Variants in NRCAM observed in about 807,000 individuals in gnomAD.
NRCAM encodes NgCAM-related cell adhesion molecule.
In NRCAM, 83 loss-of-function variants were observed where a neutral mutation model predicts 156.5. The ratio of observed to expected loss-of-function variants is 0.53; its 90% CI spans 0.44 to 0.64. The LOEUF is 0.64. Ranked by LOEUF, NRCAM falls within the 30% of genes least tolerant of loss-of-function variation. The pLI is 0.00. For missense variants in NRCAM, 1,417 were observed against 1,597.3 expected (o/e 0.89, Z 1.92); for synonymous variants, 538 against 563.9 (o/e 0.95, Z 0.65).
chr7:108,347,505 G>C (rs1244580544), intron 2 of NRCAM, among the ~76,000 whole-genome samples: 5 of 152,072 alleles, frequency 3.3e-5, no homozygotes, highest in Admixed American at 3.3e-4. Flanking sequence ...CAAAAGCAGA[G>C]AAAGAAAATC....
chr7:108,361,071 GC>G (rs1439875532), intron 2 of NRCAM, among the ~76,000 whole-genome samples: 1 of 152,012 alleles, frequency 6.6e-6, no homozygotes, highest in Non-Finnish European at 1.5e-5. Flanking sequence ...TGTATATGGG[GC>G]AAAATATATG....
chr7:108,450,257 CTT>C (rs11316439), intron 1 of NRCAM, among the ~76,000 whole-genome samples: 119 of 144,936 alleles, frequency 8.2e-4, no homozygotes, highest in Non-Finnish European at 8.6e-4. Context: ...TTACCACTGG[CTT>C]TTTTTTTTTT....
intron 3 of NRCAM, among the ~76,000 whole-genome samples, chr7:108,252,741 C>T (rs1357817519): frequency 1.3e-5 from 2 of 152,316 alleles, no homozygotes; most frequent in Admixed American, 6.5e-5. Flanking sequence ...AGCCATCAGA[C>T]AAGCTATCAA....
At chr7:108,266,501 C>T (rs1236848409) in intron 3 of NRCAM, among the ~76,000 whole-genome samples, 1 of 152,210 alleles carries the variant, frequency 6.6e-6, no homozygotes, top group African/African-American at 2.4e-5. Flanking sequence ...GTTTACTACA[C>T]TGCACACGCA....
Position 108,234,613 on chromosome 7 carries a change from T to C in NRCAM, c.200A>G (p.Gln67Arg). 6.2e-7 allele frequency: 1 copy of C among 1,612,922 alleles called. No homozygotes were observed. Among genetic ancestry groups the C allele is most frequent in the Non-Finnish European group, 8.5e-7 (1 of 1,179,120 alleles). ...IIDPRENIVI[Q>R]CEAKGKPPPS... is the part of the protein sequence containing the mutation. ...GGGCGGTTTCCCTTTGGCTTCACAC[T>C]GGATTACAATATTCTCCCGAGGGTC... The change falls in exon 6 of 33, where the codon CAG becomes CGG. Residue 67 changes from glutamine to arginine, a missense_variant. Gln to Arg is a conservative substitution (Grantham distance 43). Coordinates refer to ENST00000379028, the MANE Select transcript of NRCAM (RefSeq NM_001037132.4).
In NRCAM at chr7:108,240,086, T is replaced by C. The variant is rs2153807027; in HGVS notation, c.-22A>G. 4 of 1,504,832 alleles carry C rather than the reference T, an allele frequency of 2.7e-6. No individual in the cohort carries two copies. The highest frequency in any genetic ancestry group is 1.4e-5 in the African/African-American group (1 of 72,440). The allele number at this position is 1,504,832 out of a possible 1,614,324, so 93.2% of individuals were successfully genotyped here. ...GCATTAGCTTAACTCCTGCTGAGAC[T>C]CACACACTGAATTTCCTTTTCTTCT... On this transcript the variant is annotated 5_prime_UTR_variant, in exon 4 of 33. Transcript: ENST00000379028.
rs151023608 is a variant in NRCAM at position 108,167,523 on chromosome 7, C to T, written c.3314-450G>A. Among the ~76,000 whole-genome samples the T allele has an allele frequency of 4.8e-3, 735 of 152,268 alleles. 17 individuals are homozygous for T. The highest frequency in any genetic ancestry group is 0.034 in the East Asian group (176 of 5,188). On this transcript the variant is annotated intron_variant, in intron 29 of 32. Transcript: ENST00000379028. ...ATGCCTTCCAACGTATCCAATTAAT[C>T]GATTCAACCTTTCCCAAGTACCGGT... is the stretch of plus-strand genomic sequence containing the variant.
chr7:108,169,488 C>A (rs912303164), intron 28 of NRCAM, among the ~76,000 whole-genome samples: 1 of 151,980 alleles, frequency 6.6e-6, no homozygotes, highest in African/African-American at 2.4e-5. Flanking sequence ...CGCTCAAGAC[C>A]TTTGTTCAAA....
intron 4 of NRCAM, among the ~76,000 whole-genome samples, chr7:108,238,984 C>T (rs2095343842): frequency 1.3e-5 from 2 of 151,926 alleles, no homozygotes; most frequent in African/African-American, 2.4e-5. Flanking sequence ...TGAATAGCCC[C>T]AGGAAAGTGC....
chr7:108,239,896 T>C, intron 4 of NRCAM, 63 bp downstream of exon 4: 1 of 985,650 alleles, frequency 1.0e-6, no homozygotes, highest in Non-Finnish European at 1.6e-6. Flanking sequence ...CAGTTCAGAG[T>C]GATGATAAAT....
In NRCAM at chr7:108,241,064, G is replaced by A. The variant is rs564736670; in HGVS notation, c.-106-894C>T. ...TTTATTTCTTATGGATCAGTTAAACGGTCACCTCCAGGAAACATCAGCTGA... is the reference window on the plus strand; with the variant it reads ...TTTATTTCTTATGGATCAGTTAAACAGTCACCTCCAGGAAACATCAGCTGA... On this transcript the variant is annotated intron_variant, in intron 3 of 32. Transcript: ENST00000379028. Among the ~76,000 whole-genome samples, 9 of 151,984 alleles carry A rather than the reference G, an allele frequency of 5.9e-5. No homozygotes were observed. In the East Asian group the frequency reaches 9.6e-4, roughly 16 times the overall value.
intron 1 of NRCAM, among the ~76,000 whole-genome samples, chr7:108,401,642 A>G (rs2099793131): frequency 6.6e-6 from 1 of 151,786 alleles, no homozygotes; most frequent in Non-Finnish European, 1.5e-5. Context: ...TCTCACAAGA[A>G]CTCTCTGACC....
intron 2 of NRCAM, among the ~76,000 whole-genome samples, chr7:108,353,075 C>A: frequency 1.3e-5 from 2 of 149,422 alleles, no homozygotes; most frequent in Admixed American, 6.7e-5. Context: ...AAAATCCAAA[C>A]ATTACAGAAA....
intron 30 of NRCAM, among the ~76,000 whole-genome samples, chr7:108,163,358 C>G (rs2050594245): frequency 6.6e-6 from 1 of 152,148 alleles, no homozygotes; most frequent in Admixed American, 6.5e-5. Context: ...TAGGAGGTCT[C>G]TGAGGAAAAT....
rs182133319 is a variant in NRCAM at position 108,429,265 on chromosome 7, C to A, written c.-332+26978G>T. On this transcript the variant is annotated intron_variant, in intron 1 of 32. Coordinates refer to ENST00000379028, the MANE Select transcript of NRCAM (RefSeq NM_001037132.4). Reference sequence around the variant, plus strand: ...GGAGTGCAATGGCACGATCTTGGCTCACTGCAACCTCTGCCTCCTGAGTTC... The same window carrying A: ...GGAGTGCAATGGCACGATCTTGGCTAACTGCAACCTCTGCCTCCTGAGTTC... 7.6e-3 allele frequency among the ~76,000 whole-genome samples: 1,155 copies of A among 152,184 alleles called. 11 individuals carry two copies. Among genetic ancestry groups the A allele is most frequent in the African/African-American group, 0.026 (1,082 of 41,504 alleles).
chr7:108,305,334 G>T (rs2098699239), intron 3 of NRCAM, among the ~76,000 whole-genome samples: 1 of 152,146 alleles, frequency 6.6e-6, no homozygotes, highest in South Asian at 2.1e-4. Context: ...TTGGAACGTA[G>T]ATATATTTTC....
At chr7:108,318,039 CTTTTTTT>C (rs779703662) in intron 2 of NRCAM, among the ~76,000 whole-genome samples, 83 of 72,854 alleles carry the variant, frequency 1.1e-3, no homozygotes, top group Non-Finnish European at 1.4e-3. Context: ...TTCACTTTTC[CTTTTTTT>C]TTTTTTTTTT....
rs1210901455 is a variant in NRCAM at position 108,191,110 on chromosome 7, A to T, written c.1933+144T>A. On this transcript the variant is annotated intron_variant, in intron 19 of 32. Coordinates refer to ENST00000379028, the MANE Select transcript of NRCAM (RefSeq NM_001037132.4). ...TGAAGAAATGATTCATTGTCAGTAA[A>T]TGGGTGACACAACATAACAACTGAC... The T allele has an allele frequency of 7.0e-6, 4 of 569,562 alleles. No homozygotes were observed. In the Admixed American group the frequency reaches 1.5e-4, roughly 21 times the overall value. The allele number at this position is 569,562 out of a possible 1,614,324, so 35.3% of individuals were successfully genotyped here.
intron 30 of NRCAM, among the ~76,000 whole-genome samples, chr7:108,165,613 C>T (rs60368937): frequency 6.6e-6 from 1 of 152,082 alleles, no homozygotes; most frequent in Non-Finnish European, 1.5e-5. Context: ...TTTCCCAGGA[C>T]TATATACATA....
Sources: gnomAD v4.1 joint callset for allele counts (sites outside exome capture counted in the v4.1 genomes callset) on GRCh38, gnomAD v4.1.1 for gene constraint, MANE v1.5 for transcripts, NCBI Gene and HGNC (gene_info 2026-07-23, HGNC 2026-07-21) for gene names.